The following SPHK2 variants were observed in gnomAD, a reference collection of about 807,000 sequenced individuals.
SPHK2 encodes sphingosine kinase 2.
SPHK2 carries 18 observed loss-of-function variants against 32.3 expected under a neutral mutation model. That is an observed-to-expected ratio of 0.56 (90% CI 0.39 to 0.83). SPHK2 has a LOEUF of 0.83. Among genes scored for constraint, SPHK2 ranks in the 40% least tolerant of loss-of-function variants. SPHK2 has a pLI of 0.00. For synonymous variants in SPHK2, 462 were observed against 417.6 expected (o/e 1.11, Z -1.30); for missense variants, 850 against 908.7 (o/e 0.94, Z 0.83).
intron 2 of SPHK2, among the ~76,000 whole-genome samples, chr19:48,621,305 C>A (rs1286089487): frequency 6.6e-6 from 1 of 152,198 alleles, no homozygotes; most frequent in Non-Finnish European, 1.5e-5. Context: ...TCTCAAACTC[C>A]CGACCTCAGG....
Position 48,622,757 on chromosome 19 carries a change from C to CTTTTTTTTTTTTTTTTTTTTTTTT in SPHK2, c.39+2207_39+2230dup. On this transcript the variant is annotated intron_variant, in intron 2 of 6. Transcript: ENST00000245222. ...CAAACTTCTTCCTACATTTGTCTCT[C>CTTTTTTTTTTTTTTTTTTTTTTTT]TTTTTTTTTTTTTTTTTTTTTTTTT... Among the ~76,000 whole-genome samples, 2 of 108,546 alleles carry CTTTTTTTTTTTTTTTTTTTTTTTT rather than the reference C, an allele frequency of 1.8e-5. 1 individual carries two copies. Among genetic ancestry groups the CTTTTTTTTTTTTTTTTTTTTTTTT allele is most frequent in the African/African-American group, 6.6e-5 (2 of 30,250 alleles). The allele number at this position is 108,546 out of a possible 152,430, so 71.2% of individuals were successfully genotyped here.
Position 48,628,209 on chromosome 19 carries a change from G to T in SPHK2, c.804G>T (p.Lys268Asn). The T allele has an allele frequency of 6.2e-7, 1 of 1,613,850 alleles. No homozygotes were observed. The highest frequency in any genetic ancestry group is 8.5e-7 in the Non-Finnish European group (1 of 1,179,954). ...GCCCTGACTGGGAGGAAGCTGTGAAGATGCCTGTGGGCATCCTCCCCTGCG... is the reference window on the plus strand; with the variant it reads ...GCCCTGACTGGGAGGAAGCTGTGAATATGCCTGTGGGCATCCTCCCCTGCG... ...LDRPDWEEAVKMPVGILPCGS... is the reference protein window; with the variant it reads ...LDRPDWEEAVNMPVGILPCGS... The change falls in exon 6 of 7, where the codon AAG becomes AAT. Residue 268 changes from lysine (K) to asparagine (N), a missense_variant. Physicochemically the swap from Lys to Asn is moderately conservative, Grantham distance 94 (BLOSUM62 0). Around this residue, in one of 2 missense-constraint regions of SPHK2, gnomAD observed 544 missense variants for 640.0 expected, o/e 0.85. Coordinates refer to ENST00000245222, the MANE Select transcript of SPHK2 (RefSeq NM_020126.5). This position sits in a 1 kb window ranked among gnomAD's most constrained non-coding sequence, Gnocchi z 5.2.
chr19:48,626,405 GTC>G (rs780963996), intron 3 of SPHK2, 43 bp downstream of exon 3: 4 of 1,501,150 alleles, frequency 2.7e-6, no homozygotes, highest in South Asian at 2.6e-5. Context: ...CCACCTTGGT[GTC>G]TCTGCAGAAT....
Position 48,629,217 on chromosome 19 carries a change from T to C in SPHK2, c.1409T>C (p.Leu470Pro). Residue 470 changes from leucine (L) to proline (P), a missense_variant, in exon 7 of 7, where the codon CTG (leucine) becomes CCG (proline). By Grantham distance (98) the Leu-to-Pro change is moderately conservative (BLOSUM62 -3). Transcript: ENST00000245222. ...AGDAPLSPDP[L>P]LSSPPGSPKA... ...GATGCTCCGCTGTCCCCGGACCCAC[T>C]GCTGTCTTCACCTCCTGGCTCTCCC... The C allele has an allele frequency of 3.1e-6, 5 of 1,613,620 alleles. No individual in the cohort carries two copies. The highest frequency in any genetic ancestry group is 4.2e-6 in the Non-Finnish European group (5 of 1,179,966).
rs765455864 is a variant in SPHK2 at position 48,628,212 on chromosome 19, G to A, written c.807G>A (p.Met269Ile). ...DRPDWEEAVK[M>I]PVGILPCGSG... is the part of the protein sequence containing the mutation. ...CTGACTGGGAGGAAGCTGTGAAGATGCCTGTGGGCATCCTCCCCTGCGGCT... is the reference window on the plus strand; with the variant it reads ...CTGACTGGGAGGAAGCTGTGAAGATACCTGTGGGCATCCTCCCCTGCGGCT... The change falls in exon 6 of 7, where the codon ATG becomes ATA. Residue 269 changes from methionine to isoleucine, a missense_variant. Met to Ile is a conservative substitution (Grantham distance 10). Transcript: ENST00000245222. This position sits in a 1 kb window ranked among gnomAD's most constrained non-coding sequence, Gnocchi z 5.2. 16 of 1,613,854 alleles carry A rather than the reference G, an allele frequency of 9.9e-6. No homozygotes were observed. The highest frequency in any genetic ancestry group is 1.2e-5 in the Non-Finnish European group (14 of 1,179,966).
In SPHK2 at chr19:48,628,146, G is replaced by T; in HGVS notation, c.757-16G>T. On this transcript the variant is annotated splice_polypyrimidine_tract_variant and intron_variant, in intron 5 of 6. Transcript: ENST00000245222. The surrounding 1 kb of genome is among the most constrained non-coding windows in gnomAD (Gnocchi z 5.2). ...ACTGCCACCAGGACCCAGGCTTCTG[G>T]TCTCCCACCCTCCAGGTGCTGAACG... 1 of 1,608,936 alleles carries T rather than the reference G, an allele frequency of 6.2e-7. No individual in the cohort carries two copies. Among genetic ancestry groups the T allele is most frequent in the Non-Finnish European group, 8.5e-7 (1 of 1,176,946 alleles).
intron 2 of SPHK2, chr19:48,623,983 G>C (rs753275304): frequency 1.3e-5 from 2 of 152,258 alleles, no homozygotes; most frequent in African/African-American, 2.4e-5. Context: ...GTGGGTCTCT[G>C]CCTTGCTCTG....
chr19:48,623,559 C>G (rs1428153915), intron 2 of SPHK2, among the ~76,000 whole-genome samples: 1 of 152,250 alleles, frequency 6.6e-6, no homozygotes, highest in Non-Finnish European at 1.5e-5. Flanking sequence ...CAGTTCCTCC[C>G]AGCCCCTGGG....
In SPHK2 at chr19:48,628,689, C is replaced by T; in HGVS notation, c.881C>T (p.Pro294Leu). ...GAVNQHGGFE[P>L]ALGLDLLLNC... ...CATCTCCGGCTGTGAAGATTTGAGC[C>T]AGCCCTGGGCCTCGACCTGTTGCTC... Residue 294 changes from proline (P) to leucine (L), a missense_variant, in exon 7 of 7, where the codon CCA becomes CTA. Coordinates refer to ENST00000245222, the MANE Select transcript of SPHK2 (RefSeq NM_020126.5). This position sits in a 1 kb window ranked among gnomAD's most constrained non-coding sequence, Gnocchi z 5.2. The T allele has an allele frequency of 1.2e-6, 2 of 1,610,380 alleles. No homozygotes were observed. The highest frequency in any genetic ancestry group is 8.5e-7 in the Non-Finnish European group (1 of 1,179,218).
At position 48,629,523 on chromosome 19, in the gene SPHK2, G is replaced by T. The variant is rs900337699; in HGVS notation, c.1715G>T (p.Arg572Leu). ...GGCCTGGTGCACCTGTGCTGGGTGC[G>T]TAGCGGCATCTCGCGGGCTGCGCTG... The part of the protein sequence containing the change: ...DDGLVHLCWV[R>L]SGISRAALLR... The change falls in exon 7 of 7, where the codon CGT becomes CTT. Residue 572 changes from arginine to leucine, a missense_variant. Around this residue, in one of 2 missense-constraint regions of SPHK2, gnomAD observed 306 missense variants for 268.6 expected, o/e 1.14. Coordinates refer to ENST00000245222, the MANE Select transcript of SPHK2 (RefSeq NM_020126.5). The T allele has an allele frequency of 3.1e-6, 5 of 1,605,980 alleles. No homozygotes were observed. The African/African-American group carries it at 5.3e-5, about 17-fold the overall frequency.
chr19:48,622,173 G>C (rs533475461), intron 2 of SPHK2, among the ~76,000 whole-genome samples: 1 of 151,712 alleles, frequency 6.6e-6, no homozygotes, highest in Non-Finnish European at 1.5e-5. Context: ...GCAGGAGAAT[G>C]GCGTGAACCC....
In SPHK2 at chr19:48,629,274, G is replaced by C. The variant is rs561900945; in HGVS notation, c.1466G>C (p.Gly489Ala). ...GCTCTACACTCACCCGTCTCCGAAG[G>C]GGCCCCCGTAATTCCCCCATCCTCT... ...KAALHSPVSEGAPVIPPSSGL... is the reference protein window; with the variant it reads ...KAALHSPVSEAAPVIPPSSGL... The change falls in exon 7 of 7, where the codon GGG becomes GCG. Residue 489 changes from glycine to alanine, a missense_variant. Physicochemically the swap from Gly to Ala is moderately conservative, Grantham distance 60 (BLOSUM62 0). This residue lies in a region of SPHK2 where 306 missense variants were observed against 268.6 expected (regional missense o/e 1.14). Transcript: ENST00000245222. The C allele has an allele frequency of 2.2e-5, 35 of 1,613,640 alleles. No individual in the cohort carries two copies. The South Asian group carries it at 3.3e-4, about 15-fold the overall frequency.
rs924496869 is a variant in SPHK2, at chr19:48,629,881, T to C, written c.*108T>C. The C allele has an allele frequency of 6.9e-7, 1 of 1,454,606 alleles. No individual in the cohort carries two copies. Among genetic ancestry groups the C allele is most frequent in the Non-Finnish European group, 9.1e-7 (1 of 1,104,082 alleles). The allele number at this position is 1,454,606 out of a possible 1,614,324, so 90.1% of individuals were successfully genotyped here. ...GCTAGAGTTGTGGTGGCAGGGGCCC[T>C]GGCCCCGTCTCAGGATTGCGCTCGC... On this transcript the variant is annotated 3_prime_UTR_variant, in exon 7 of 7. Transcript: ENST00000245222.
At chr19:48,621,489 C>A (rs1974402275) in intron 2 of SPHK2, among the ~76,000 whole-genome samples, 1 of 152,214 alleles carries the variant, frequency 6.6e-6, no homozygotes, top group African/African-American at 2.4e-5. Flanking sequence ...GTTGAGCTTA[C>A]AGGCATGAGC....
At chr19:48,619,848 G>C (rs1173454172) in intron 1 of SPHK2, 1 of 153,250 alleles carries the variant, frequency 6.5e-6, no homozygotes, top group Non-Finnish European at 1.5e-5. Context: ...TGGAGACTCC[G>C]TGGCTTGGGG....
Position 48,630,283 on chromosome 19 carries a change from C to T in SPHK2, c.*510C>T. 1 of 1,291,592 alleles carries T rather than the reference C, an allele frequency of 7.7e-7. No individual in the cohort carries two copies. The highest frequency in any genetic ancestry group is 2.6e-5 in the South Asian group (1 of 39,084). 80.0% of individuals were successfully genotyped at this position (1,291,592 alleles called of 1,614,324 possible). A position where few individuals can be genotyped will look rare whatever the true frequency, so the allele number is the denominator to read the frequency against. Reference sequence around the variant, plus strand: ...CGCTAGGATTTGCACTAATGTTCCTCTCCCCGCGGGTGGGGGCGGGGAAAT... The same window carrying T: ...CGCTAGGATTTGCACTAATGTTCCTTTCCCCGCGGGTGGGGGCGGGGAAAT... On this transcript the variant is annotated 3_prime_UTR_variant, in exon 7 of 7. Coordinates refer to ENST00000245222, the MANE Select transcript of SPHK2 (RefSeq NM_020126.5). This position sits in a 1 kb window ranked among gnomAD's most constrained non-coding sequence, Gnocchi z 4.9.
chr19:48,630,334 C>T lies in SPHK2; in HGVS notation c.*561C>T. The T allele has an allele frequency of 7.6e-7, 1 of 1,309,278 alleles. No individual in the cohort carries two copies. Among genetic ancestry groups the T allele is most frequent in the African/African-American group, 1.5e-5 (1 of 65,548 alleles). 81.1% of individuals were successfully genotyped at this position (1,309,278 alleles called of 1,614,324 possible). ...TCATATCCCCTGTTCGTCTCATGCG[C>T]GTCCTCCGTCCCCAATCTAAAAAGC... On this transcript the variant is annotated 3_prime_UTR_variant, in exon 7 of 7. Transcript: ENST00000245222. This position sits in a 1 kb window ranked among gnomAD's most constrained non-coding sequence, Gnocchi z 4.9.
Position 48,630,289 on chromosome 19 carries a change from G to A in SPHK2, c.*516G>A. 3.9e-6 allele frequency: 5 copies of A among 1,285,958 alleles called. No homozygotes were observed. Among genetic ancestry groups the A allele is most frequent in the Non-Finnish European group, 4.9e-6 (5 of 1,017,152 alleles). The allele number at this position is 1,285,958 out of a possible 1,614,324, so 79.7% of individuals were successfully genotyped here. On this transcript the variant is annotated 3_prime_UTR_variant, in exon 7 of 7. Coordinates refer to ENST00000245222, the MANE Select transcript of SPHK2 (RefSeq NM_020126.5). The surrounding 1 kb of genome is among the most constrained non-coding windows in gnomAD (Gnocchi z 4.9). ...GATTTGCACTAATGTTCCTCTCCCC[G>A]CGGGTGGGGGCGGGGAAATTCATAT... is the stretch of plus-strand genomic sequence containing the variant.
chr19:48,628,272 C>A lies in SPHK2; in HGVS notation c.867C>A (p.His289Gln). 6.2e-7 allele frequency: 1 copy of A among 1,613,082 alleles called. No homozygotes were observed. The highest frequency in any genetic ancestry group is 8.5e-7 in the Non-Finnish European group (1 of 1,179,742). ...CGCTGGCCGGAGCAGTGAACCAGCA[C>A]GGGGGGTAGGTTGAGGATACCACGA... ...GNALAGAVNQ[H>Q]GGFEPALGLD... Residue 289 changes from histidine to glutamine, a missense_variant, in exon 6 of 7, where the codon CAC becomes CAA. By Grantham distance (24) the His-to-Gln change is conservative. Transcript: ENST00000245222. This position sits in a 1 kb window ranked among gnomAD's most constrained non-coding sequence, Gnocchi z 5.2.
Sources: allele counts gnomAD v4.1 joint callset (sites outside exome capture counted in the v4.1 genomes callset), GRCh38; gene constraint gnomAD v4.1.1; regional missense constraint gnomAD v4.1.1; non-coding constraint Gnocchi (gnomAD v3.1); transcripts MANE v1.5; gene names NCBI Gene and HGNC (gene_info 2026-07-23, HGNC 2026-07-21).